The following EVX1 variants were observed in gnomAD, a reference collection of about 807,000 sequenced individuals.
The protein encoded by EVX1 is homeobox even-skipped homolog protein 1.
A neutral mutation model predicts 28.6 loss-of-function variants in EVX1; 19 were observed. The ratio of observed to expected loss-of-function variants is 0.67; its 90% CI spans 0.46 to 0.98. The LOEUF (loss-of-function observed/expected upper bound fraction) is 0.98, where lower values mean the gene tolerates loss of function less well. Ranked by LOEUF, EVX1 falls within the 50% of genes least tolerant of loss-of-function variation. The pLI is 0.00. For synonymous variants in EVX1, 324 were observed against 278.2 expected, an observed-to-expected ratio of 1.16 and a Z score of -1.64; for missense variants, 660 against 583.0, an observed-to-expected ratio of 1.13 and a Z score of -1.36.
At chr7:27,245,753 GGT>G (rs1783154566) in intron 2 of EVX1, 131 bp from the exon 3 acceptor site, 1 of 1,245,444 alleles carries the variant, frequency 8.0e-7, no homozygotes, top group Non-Finnish European at 1.1e-6. Flanking sequence ...TGGTGGGGTC[GGT>G]CTCTACCCGG....
rs1394337226 is a variant in EVX1, at chr7:27,246,561, A to G, written c.*136A>G. Reference sequence around the variant, plus strand: ...GGGGGAAAGGAGAGGGCGGAAAAGGACCAGCGGGATCCGGCCGCAAGAATT... The same window carrying G: ...GGGGGAAAGGAGAGGGCGGAAAAGGGCCAGCGGGATCCGGCCGCAAGAATT... On this transcript the variant is annotated 3_prime_UTR_variant, in exon 3 of 3. Transcript: ENST00000496902. The G allele has an allele frequency of 4.3e-6, 4 of 935,208 alleles. No homozygotes were observed. Among genetic ancestry groups the G allele is most frequent in the Non-Finnish European group, 6.2e-6 (4 of 644,976 alleles). The allele number at this position is 935,208 out of a possible 1,614,324, so 57.9% of individuals were successfully genotyped here.
At chr7:27,244,025 G>A (rs1783100374) in intron 1 of EVX1, 1 of 152,350 alleles carries the variant, frequency 6.6e-6, no homozygotes, top group Admixed American at 6.5e-5. Flanking sequence ...AATTGCCTTT[G>A]GTCTCCGGTT....
rs1276065047 is a variant in EVX1, at chr7:27,246,280, T to C, written c.1079T>C (p.Leu360Pro). ...LACHSGPANG[L>P]APRAAAASDF... ...TGTCACAGCGGCCCGGCCAACGGGC[T>C]GGCGCCCCGGGCTGCCGCCGCCTCG... The change falls in exon 3 of 3, where the codon CTG becomes CCG. Residue 360 changes from leucine (L) to proline (P), a missense_variant. Physicochemically the swap from Leu to Pro is moderately conservative, Grantham distance 98. Coordinates refer to ENST00000496902, the MANE Select transcript of EVX1 (RefSeq NM_001989.5). The C allele has an allele frequency of 5.1e-6, 8 of 1,576,514 alleles. No homozygotes were observed. The highest frequency in any genetic ancestry group is 6.8e-6 in the Non-Finnish European group (8 of 1,168,964).
chr7:27,245,379 G>A (rs2115495954), intron 2 of EVX1, 75 bp downstream of exon 2: 1 of 1,576,900 alleles, frequency 6.3e-7, no homozygotes, highest in Non-Finnish European at 8.6e-7. Flanking sequence ...CCAACTCCCT[G>A]AAACGCAGGC....
intron 2 of EVX1, 55 bp downstream of exon 2, chr7:27,245,359 A>ATGCCAAC: frequency 1.3e-6 from 2 of 1,596,936 alleles, no homozygotes; most frequent in Non-Finnish European, 1.7e-6. Context: ...CGGGAAGTAA[A>ATGCCAAC]TGCCAACTGC....
Position 27,244,379 on chromosome 7 carries a change from G to GGA in EVX1, c.428-669_428-668insGA, listed in dbSNP as rs1554278918. The GGA allele has an allele frequency of 1.8e-3, 777 of 443,034 alleles. 19 individuals are homozygous for GGA. The highest frequency in any genetic ancestry group is 0.016 in the African/African-American group (729 of 44,296). The allele number at this position is 443,034 out of a possible 1,614,324, so 27.4% of individuals were successfully genotyped here. On this transcript the variant is annotated intron_variant, in intron 1 of 2. Transcript: ENST00000496902. ...GTGGAAAGAGCCTGGGGGCGGGGGG[G>GGA]AGAAAGACCACCCCCTGGTCTTGGC...
At chr7:27,244,906 T>C (rs1452918911) in intron 1 of EVX1, 142 bp from the exon 2 acceptor site, 16 of 1,333,786 alleles carry the variant, frequency 1.2e-5, no homozygotes, top group Non-Finnish European at 1.6e-5. Flanking sequence ...GAGGCCGCAG[T>C]ACCCTAGCAG....
chr7:27,242,993 A>C lies in EVX1; in HGVS notation c.-38A>C. 2 of 1,503,350 alleles carry C rather than the reference A, an allele frequency of 1.3e-6. No individual in the cohort carries two copies. Among genetic ancestry groups the C allele is most frequent in the Non-Finnish European group, 8.9e-7 (1 of 1,124,674 alleles). 93.1% of individuals were successfully genotyped at this position (1,503,350 alleles called of 1,614,324 possible). A position where few individuals can be genotyped will look rare whatever the true frequency, so the allele number is the denominator to read the frequency against. ...CCCAGGGAGCCGGGGTTAGGAACTC[A>C]CTTGGGGCTTTCCCCTCCCCCACCG... On this transcript the variant is annotated 5_prime_UTR_variant, in exon 1 of 3. Transcript: ENST00000496902.
rs1783057062 is a variant in EVX1, at chr7:27,242,837, A to C, written c.-194A>C. 5.2e-6 allele frequency: 3 copies of C among 580,252 alleles called. No individual in the cohort carries two copies. Among genetic ancestry groups the C allele is most frequent in the South Asian group, 2.4e-5 (1 of 42,470 alleles). The allele number at this position is 580,252 out of a possible 1,614,324, so 35.9% of individuals were successfully genotyped here. ...CGGCACAGAGGAGCGCTCGCTTCAC[A>C]AGGTGACCCTAGCTCCCACCGCCAC... is the stretch of plus-strand genomic sequence containing the variant. On this transcript the variant is annotated 5_prime_UTR_variant, in exon 1 of 3. Coordinates refer to ENST00000496902, the MANE Select transcript of EVX1 (RefSeq NM_001989.5).
chr7:27,245,623 C>G (rs945233680), intron 2 of EVX1, among the ~76,000 whole-genome samples: 1 of 152,214 alleles, frequency 6.6e-6, no homozygotes, highest in Non-Finnish European at 1.5e-5. Context: ...ACTGCTCCTC[C>G]CATACACACA....
intron 1 of EVX1, 50 bp from the exon 2 acceptor site, chr7:27,244,998 G>A (rs1562535272): frequency 1.9e-6 from 3 of 1,577,054 alleles, no homozygotes; most frequent in South Asian, 1.1e-5. Context: ...CTTCAATGGC[G>A]TTTGTGTGTC....
chr7:27,245,247 C>T lies in EVX1; in HGVS notation c.627C>T (p.Ser209=), dbSNP rs752756842. ...AATTCTACCGGGAGAACTACGTATC[C>T]AGGCCGCGGAGATGTGAGCTGGCGG... ...EKEFYRENYV[S]RPRRCELAAA... is the part of the protein sequence containing the mutation. The change falls in exon 2 of 3, where the codon TCC becomes TCT. Residue 209 remains serine, a synonymous_variant. Transcript: ENST00000496902. The T allele has an allele frequency of 1.9e-6, 3 of 1,613,504 alleles. No individual in the cohort carries two copies. Among genetic ancestry groups the T allele is most frequent in the South Asian group, 2.2e-5 (2 of 91,088 alleles).
At chr7:27,243,551 G>A in intron 1 of EVX1, 94 bp downstream of exon 1, 1 of 1,374,622 alleles carries the variant, frequency 7.3e-7, no homozygotes, top group Non-Finnish European at 9.7e-7. Flanking sequence ...TTCCCCTAGG[G>A]CAGGATGGCT....
At position 27,243,353 on chromosome 7, in the gene EVX1, G is replaced by C; in HGVS notation, c.323G>C (p.Gly108Ala). Reference sequence around the variant, plus strand: ...TCAGTCGACAGCCTCTCCGGACAGGGGCAACCCAGTAGCTCGGACACCGAG... The same window carrying C: ...TCAGTCGACAGCCTCTCCGGACAGGCGCAACCCAGTAGCTCGGACACCGAG... ...APSVDSLSGQ[G>A]QPSSSDTESD... The change falls in exon 1 of 3, where the codon GGG (glycine) becomes GCG (alanine). Residue 108 changes from glycine (G) to alanine (A), a missense_variant. By Grantham distance (60) the Gly-to-Ala change is moderately conservative (BLOSUM62 0). Coordinates refer to ENST00000496902, the MANE Select transcript of EVX1 (RefSeq NM_001989.5). 1 of 1,608,978 alleles carries C rather than the reference G, an allele frequency of 6.2e-7. No homozygotes were observed. The highest frequency in any genetic ancestry group is 8.5e-7 in the Non-Finnish European group (1 of 1,178,470).
Position 27,245,250 on chromosome 7 carries a change from G to A in EVX1, c.630G>A (p.Arg210=). The change falls in exon 2 of 3, where the codon AGG becomes AGA. Residue 210 remains arginine, a synonymous_variant. Coordinates refer to ENST00000496902, the MANE Select transcript of EVX1 (RefSeq NM_001989.5). ...KEFYRENYVS[R]PRRCELAAAL... is the part of the protein sequence containing the mutation. ...TCTACCGGGAGAACTACGTATCCAG[G>A]CCGCGGAGATGTGAGCTGGCGGCCG... The A allele has an allele frequency of 2.5e-6, 4 of 1,613,472 alleles. No individual in the cohort carries two copies. The highest frequency in any genetic ancestry group is 3.4e-6 in the Non-Finnish European group (4 of 1,180,044).
chr7:27,245,776 C>T, intron 2 of EVX1, 110 bp from the exon 3 acceptor site: 1 of 1,434,804 alleles, frequency 7.0e-7, no homozygotes, highest in Non-Finnish European at 9.2e-7. Flanking sequence ...CTGGTGTCTG[C>T]TTTGGCTGTT....
At position 27,243,271 on chromosome 7, in the gene EVX1, G is replaced by A; in HGVS notation, c.241G>A (p.Gly81Ser). ...DGLAGSAAGP[G>S]AEPQVAGAAM... Reference sequence around the variant, plus strand: ...ACTCGCAGGCAGCGCGGCGGGGCCGGGCGCCGAGCCCCAGGTAGCTGGGGC... The same window carrying A: ...ACTCGCAGGCAGCGCGGCGGGGCCGAGCGCCGAGCCCCAGGTAGCTGGGGC... Residue 81 changes from glycine to serine, a missense_variant, in exon 1 of 3, where the codon GGC becomes AGC. By Grantham distance (56) the Gly-to-Ser change is moderately conservative. This residue lies in a region of EVX1 where 308 missense variants were observed against 256.6 expected (regional missense o/e 1.20). Coordinates refer to ENST00000496902, the MANE Select transcript of EVX1 (RefSeq NM_001989.5). The A allele has an allele frequency of 6.5e-7, 1 of 1,544,114 alleles. No homozygotes were observed. Among genetic ancestry groups the A allele is most frequent in the South Asian group, 1.2e-5 (1 of 84,062 alleles).
At chr7:27,244,826 A>C (rs1005320398) in intron 1 of EVX1, among the ~76,000 whole-genome samples, 2 of 152,140 alleles carry the variant, frequency 1.3e-5, no homozygotes, top group African/African-American at 4.8e-5. Context: ...AGAGGAAGGG[A>C]AGGCCTCCCC....
At chr7:27,244,940 A>C in intron 1 of EVX1, 108 bp from the exon 2 acceptor site, 1 of 1,483,908 alleles carries the variant, frequency 6.7e-7, no homozygotes. Flanking sequence ...GGTGGCTGAC[A>C]GGGTGTCCCT....
Sources: allele counts gnomAD v4.1 joint callset (sites outside exome capture counted in the v4.1 genomes callset), GRCh38; gene constraint gnomAD v4.1.1; regional missense constraint gnomAD v4.1.1; transcripts MANE v1.5; gene names NCBI Gene and HGNC (gene_info 2026-07-23, HGNC 2026-07-21).